TENM1: variants seen among roughly 807,000 people sequenced by gnomAD.
The protein encoded by TENM1 is teneurin transmembrane protein 1.
TENM1 carries 35 observed loss-of-function variants against 174.8 expected under a neutral mutation model. The ratio of observed to expected loss-of-function variants is 0.20; its 90% CI spans 0.15 to 0.27. The LOEUF (loss-of-function observed/expected upper bound fraction) is 0.27. TENM1 is among the 10% of genes least tolerant of loss of function. TENM1 has a pLI of 1.00. For synonymous variants in TENM1, 781 were observed against 798.7 expected (o/e 0.98, Z 0.37); for missense variants, 1,633 against 2,130.1 (o/e 0.77, Z 4.59).
At chrX:124,656,422 T>TG (rs2051445363) in intron 6 of TENM1, among the ~76,000 whole-genome samples, 1 of 112,484 alleles carries the variant, frequency 8.9e-6, no homozygotes, top group African/African-American at 3.2e-5. Flanking sequence ...TAAAAGAAGT[T>TG]GATCTCATCC....
chrX:124,507,210 C>T (rs1251609554), intron 18 of TENM1, among the ~76,000 whole-genome samples: 2 of 111,674 alleles, frequency 1.8e-5, no homozygotes, highest in Admixed American at 9.5e-5. Context: ...CTGGACTACA[C>T]TTCCCAGGGG....
intron 14 of TENM1, among the ~76,000 whole-genome samples, chrX:124,560,577 C>G (rs1300879051): frequency 9.0e-6 from 1 of 110,740 alleles, no homozygotes. Context: ...CACAAAGTTG[C>G]CTCCACTTAA....
chrX:124,947,115 C>T (rs761724271), intron 1 of TENM1, among the ~76,000 whole-genome samples: 4 of 111,455 alleles, frequency 3.6e-5, no homozygotes, highest in Non-Finnish European at 7.5e-5. Flanking sequence ...GACAGCTCAT[C>T]TGGCAAAGGA....
intron 3 of TENM1, among the ~76,000 whole-genome samples, chrX:124,868,951 G>A (rs1603253843): frequency 9.1e-6 from 1 of 109,498 alleles, no homozygotes; most frequent in Non-Finnish European, 1.9e-5. Flanking sequence ...CCGGCTGGGC[G>A]TGGTGGCTCA....
intron 3 of TENM1, among the ~76,000 whole-genome samples, chrX:124,842,608 C>T (rs1281342874): frequency 4.5e-5 from 5 of 110,821 alleles, no homozygotes; most frequent in African/African-American, 1.6e-4. Context: ...TCTCTTCTGG[C>T]ATGCAGATAG....
intron 11 of TENM1, among the ~76,000 whole-genome samples, chrX:124,599,773 T>C (rs1210031545): frequency 1.8e-5 from 2 of 110,454 alleles, no homozygotes; most frequent in Admixed American, 9.7e-5. Context: ...AGCGGAGTGA[T>C]TGGGGGTAGA....
intron 1 of TENM1, among the ~76,000 whole-genome samples, chrX:124,936,754 T>C (rs1396426827): frequency 8.9e-6 from 1 of 111,946 alleles, no homozygotes; most frequent in Non-Finnish European, 1.9e-5. Context: ...TCTTAAAAAG[T>C]AGTATAACTA....
chrX:124,804,683 A>G (rs921314851), intron 3 of TENM1, among the ~76,000 whole-genome samples: 2 of 112,000 alleles, frequency 1.8e-5, no homozygotes, highest in Non-Finnish European at 3.8e-5. Flanking sequence ...AAGGACCACA[A>G]GAAGATGAAA....
chrX:124,957,758 T>C (rs1569489002), intron 1 of TENM1, among the ~76,000 whole-genome samples: 1 of 111,088 alleles, frequency 9.0e-6, no homozygotes, highest in Non-Finnish European at 1.9e-5. Flanking sequence ...AATGAAATGT[T>C]TGTGTCATCT....
intron 22 of TENM1, among the ~76,000 whole-genome samples, chrX:124,464,355 G>A (rs1221690878): frequency 8.9e-6 from 1 of 112,018 alleles, no homozygotes; most frequent in East Asian, 2.8e-4. Flanking sequence ...CTCAATAAAA[G>A]CAGGATATGA....
intron 5 of TENM1, among the ~76,000 whole-genome samples, chrX:124,694,381 C>T (rs1423042119): frequency 6.3e-5 from 7 of 111,774 alleles, no homozygotes; most frequent in African/African-American, 2.0e-4. Context: ...ACAGAGACAA[C>T]TCTGAGTAAT....
intron 11 of TENM1, among the ~76,000 whole-genome samples, chrX:124,573,716 A>G (rs1221558378): frequency 8.9e-6 from 1 of 112,035 alleles, no homozygotes; most frequent in Non-Finnish European, 1.9e-5. Flanking sequence ...ATGAATTACT[A>G]CAAATGGAGA....
exon 25 of TENM1, chrX:124,420,661 A>G (rs1300542863): frequency 8.3e-7 from 1 of 1,211,779 alleles, no homozygotes; most frequent in Non-Finnish European, 1.1e-6. Context: ...CAGCGGGTGA[A>G]GCAATCTCAT....
At chrX:124,818,080 A>T (rs1355549852) in intron 3 of TENM1, among the ~76,000 whole-genome samples, 1 of 111,189 alleles carries the variant, frequency 9.0e-6, no homozygotes, top group Non-Finnish European at 1.9e-5. Context: ...ATTAAAATTT[A>T]AAAAATTGAA....
intron 11 of TENM1, among the ~76,000 whole-genome samples, chrX:124,633,022 G>GT (rs1400050312): frequency 3.6e-5 from 4 of 112,136 alleles, no homozygotes; most frequent in African/African-American, 1.3e-4. Context: ...AGCTGTAGTG[G>GT]TAGACACTTT....
intron 23 of TENM1, among the ~76,000 whole-genome samples, chrX:124,448,743 G>A (rs906241514): frequency 9.0e-6 from 1 of 111,646 alleles, no homozygotes; most frequent in Non-Finnish European, 1.9e-5. Context: ...TGTGGGAGAC[G>A]GGTTGGATAC....
chrX:124,497,165 G>A (rs1459197815), exon 20 of TENM1: 1 of 1,207,820 alleles, frequency 8.3e-7, no homozygotes, highest in Non-Finnish European at 1.1e-6. Context: ...TGCAGTTGGT[G>A]CAGGCTACAC....
At chrX:124,444,418 G>GA (rs2060943664) in intron 23 of TENM1, among the ~76,000 whole-genome samples, 2 of 111,904 alleles carry the variant, frequency 1.8e-5, no homozygotes, top group African/African-American at 6.5e-5. Flanking sequence ...ATACAGCTGT[G>GA]AAAAAATCCC....
intron 20 of TENM1, among the ~76,000 whole-genome samples, chrX:124,495,236 T>C (rs2047169574): frequency 9.8e-6 from 1 of 101,850 alleles, no homozygotes; most frequent in African/African-American, 3.6e-5. Flanking sequence ...CTCATTGTGG[T>C]TTTGATTTGC....
Sources: gnomAD v4.1 joint callset for allele counts (sites outside exome capture counted in the v4.1 genomes callset) on GRCh38, gnomAD v4.1.1 for gene constraint, MANE v1.5 for transcripts, NCBI Gene and HGNC (gene_info 2026-07-23, HGNC 2026-07-21) for gene names.